Variants in PTPRT observed in about 807,000 individuals in gnomAD.
PTPRT encodes the protein receptor-type tyrosine-protein phosphatase T.
PTPRT carries 56 observed loss-of-function variants against 176.8 expected under a neutral mutation model. The ratio of observed to expected loss-of-function variants is 0.32; its 90% CI spans 0.26 to 0.40. The LOEUF (loss-of-function observed/expected upper bound fraction) is 0.40, where lower values mean the gene tolerates loss of function less well. Ranked by LOEUF, PTPRT falls within the 10% of genes least tolerant of loss-of-function variation. The pLI is 1.00. For synonymous variants in PTPRT, 783 were observed against 739.0 expected (o/e 1.06, Z -0.96); for missense variants, 1,540 against 1,908.2 (o/e 0.81, Z 3.60).
In PTPRT at chr20:42,594,951, G is replaced by T. The variant is rs141311507; in HGVS notation, c.1153+82915C>A. 1.6e-3 allele frequency among the ~76,000 whole-genome samples: 244 copies of T among 152,252 alleles called. 1 individual carries two copies. Among genetic ancestry groups the T allele is most frequent in the African/African-American group, 5.6e-3 (231 of 41,540 alleles). ...AATGTTTATAAATGTTAGATCTCAG[G>T]TCTGCAAGGAAAGATCTTGCTGTAC... On this transcript the variant is annotated intron_variant, in intron 7 of 30. Coordinates refer to ENST00000373187, the MANE Select transcript of PTPRT (RefSeq NM_007050.6).
chr20:42,683,066 C>T (rs1192587498), intron 6 of PTPRT, among the ~76,000 whole-genome samples: 5 of 151,994 alleles, frequency 3.3e-5, no homozygotes, highest in African/African-American at 4.8e-5. Context: ...TTACACCACA[C>T]GTCTCACCCC....
At chr20:42,623,341 C>T (rs987190767) in intron 7 of PTPRT, among the ~76,000 whole-genome samples, 7 of 152,226 alleles carry the variant, frequency 4.6e-5, no homozygotes, top group African/African-American at 1.7e-4. Context: ...CTTGCCCTGG[C>T]TCCTAAACCT....
chr20:42,565,609 C>T (rs1426925015), intron 7 of PTPRT, among the ~76,000 whole-genome samples: 1 of 152,084 alleles, frequency 6.6e-6, no homozygotes, highest in Non-Finnish European at 1.5e-5. Flanking sequence ...GGGGAAAAGC[C>T]TAACTTTTAA....
intron 1 of PTPRT, among the ~76,000 whole-genome samples, chr20:43,027,258 A>G (rs1455047417): frequency 6.6e-6 from 1 of 152,122 alleles, no homozygotes; most frequent in Non-Finnish European, 1.5e-5. Flanking sequence ...TGGGCAGATC[A>G]TGAGGTCAGG....
At chr20:42,134,022 T>C (rs1988258164) in intron 18 of PTPRT, among the ~76,000 whole-genome samples, 2 of 152,186 alleles carry the variant, frequency 1.3e-5, no homozygotes, top group African/African-American at 4.8e-5. Context: ...AAAGAACTAT[T>C]GTGTGTGTTC....
At chr20:42,926,497 G>T (rs902299136) in intron 1 of PTPRT, among the ~76,000 whole-genome samples, 9 of 152,178 alleles carry the variant, frequency 5.9e-5, no homozygotes, top group Non-Finnish European at 1.3e-4. Context: ...CGACACGGGG[G>T]ACATAATTTA....
At chr20:42,547,966 T>C (rs868385229) in intron 7 of PTPRT, among the ~76,000 whole-genome samples, 4 of 152,002 alleles carry the variant, frequency 2.6e-5, no homozygotes, top group South Asian at 4.1e-4. Context: ...AAAGATACCA[T>C]ATACTATGAT....
intron 8 of PTPRT, among the ~76,000 whole-genome samples, chr20:42,454,034 C>T (rs958185366): frequency 3.9e-5 from 6 of 151,988 alleles, no homozygotes; most frequent in Middle Eastern, 6.8e-3. Flanking sequence ...CATTTTTATT[C>T]GGAGTTCTAA....
chr20:42,075,328 T>C lies in PTPRT; in HGVS notation c.*5551A>G. ...ACATGACTATCCACGTTTATGTTTT[T>C]TTTCTTCTAACCTACCCTCCAGTTG... On this transcript the variant is annotated 3_prime_UTR_variant, in exon 31 of 31. Transcript: ENST00000373187. The C allele has an allele frequency of 4.3e-6, 1 of 231,450 alleles. No individual in the cohort carries two copies. The highest frequency in any genetic ancestry group is 8.6e-6 in the Non-Finnish European group (1 of 116,954). The allele number at this position is 231,450 out of a possible 1,614,324, so 14.3% of individuals were successfully genotyped here. A position where few individuals can be genotyped will look rare whatever the true frequency, so the allele number is the denominator to read the frequency against.
chr20:42,202,026 G>A (rs943377701), intron 15 of PTPRT, among the ~76,000 whole-genome samples: 2 of 151,718 alleles, frequency 1.3e-5, no homozygotes, highest in African/African-American at 4.8e-5. Flanking sequence ...CTGGAGTGCA[G>A]TGGTGCGATT....
In PTPRT at chr20:42,236,908, A is replaced by G. The variant is rs548203606; in HGVS notation, c.2313-650T>C. Among the ~76,000 whole-genome samples, 603 of 152,202 alleles carry G rather than the reference A, an allele frequency of 4.0e-3. 2 individuals are homozygous for G. Among genetic ancestry groups the G allele is most frequent in the Middle Eastern group, 0.014 (4 of 294 alleles). On this transcript the variant is annotated intron_variant, in intron 14 of 30. Coordinates refer to ENST00000373187, the MANE Select transcript of PTPRT (RefSeq NM_007050.6). ...TGACCCTGTGTGAATAGAATGTGGT[A>G]GGAATTATGTTCTGGGACTTTCCAA... is the stretch of plus-strand genomic sequence containing the variant.
intron 1 of PTPRT, among the ~76,000 whole-genome samples, chr20:42,967,109 C>A (rs1037249705): frequency 6.6e-6 from 1 of 152,096 alleles, no homozygotes; most frequent in Admixed American, 6.5e-5. Context: ...TGTGCAAGAG[C>A]CCAGCCCTTC....
At chr20:42,757,592 T>C (rs2076853928) in intron 5 of PTPRT, among the ~76,000 whole-genome samples, 1 of 152,220 alleles carries the variant, frequency 6.6e-6, no homozygotes, top group Non-Finnish European at 1.5e-5. Flanking sequence ...TCACACCATC[T>C]CTGGAATCTT....
the PTPRT span, among the ~76,000 whole-genome samples, chr20:42,033,121 G>T: frequency 3.2e-4 from 48 of 152,150 alleles, no homozygotes; most frequent in Non-Finnish European, 6.2e-4. Flanking sequence ...TATCAGATGG[G>T]CTAGGATGTT....
At chr20:42,996,925 G>T (rs1469128783) in intron 1 of PTPRT, among the ~76,000 whole-genome samples, 2 of 152,168 alleles carry the variant, frequency 1.3e-5, no homozygotes, top group East Asian at 1.9e-4. Flanking sequence ...CAAAAGAGTA[G>T]CTGGCATACT....
intron 9 of PTPRT, among the ~76,000 whole-genome samples, chr20:42,410,923 A>T (rs542317172): frequency 0.019 from 2,950 of 152,294 alleles, 103 homozygotes; most frequent in African/African-American, 0.067. Flanking sequence ...GGATACAGCT[A>T]AAGTAGTACT....
At chr20:42,915,426 G>T (rs1228901835) in intron 1 of PTPRT, among the ~76,000 whole-genome samples, 2 of 152,196 alleles carry the variant, frequency 1.3e-5, no homozygotes, top group East Asian at 3.9e-4. Context: ...GGGCCTGGCT[G>T]CTCTCCTGGA....
intron 1 of PTPRT, among the ~76,000 whole-genome samples, chr20:42,915,440 G>C (rs540479164): frequency 7.9e-5 from 12 of 152,294 alleles, no homozygotes; most frequent in African/African-American, 2.9e-4. Flanking sequence ...TCCTGGACCG[G>C]GAAAGACTGC....
chr20:42,820,443 C>T (rs2077871634), intron 2 of PTPRT, among the ~76,000 whole-genome samples: 1 of 152,112 alleles, frequency 6.6e-6, no homozygotes, highest in Non-Finnish European at 1.5e-5. Flanking sequence ...ATTTATAGCA[C>T]TAAATGCCCA....
Sources: allele counts gnomAD v4.1 joint callset (sites outside exome capture counted in the v4.1 genomes callset), GRCh38; gene constraint gnomAD v4.1.1; transcripts MANE v1.5; gene names NCBI Gene and HGNC (gene_info 2026-07-23, HGNC 2026-07-21).